MAOB: variants seen among roughly 807,000 people sequenced by gnomAD.
The protein encoded by MAOB is amine oxidase [flavin-containing] B.
MAOB carries 15 observed loss-of-function variants against 41.9 expected under a neutral mutation model. The observed-to-expected ratio is 0.36, with a 90% CI of 0.24 to 0.55. The LOEUF is 0.55. Among genes scored for constraint, MAOB ranks in the 20% least tolerant of loss-of-function variants. The pLI, the probability that MAOB is intolerant of heterozygous loss-of-function variation, is 0.86. For synonymous variants in MAOB, 167 were observed against 144.2 expected, an observed-to-expected ratio of 1.16 and a Z score of -1.13; for missense variants, 345 against 398.7, an observed-to-expected ratio of 0.87 and a Z score of 1.15.
At chrX:43,864,335 C>G (rs1249970075) in intron 1 of MAOB, among the ~76,000 whole-genome samples, 1 of 111,323 alleles carries the variant, frequency 9.0e-6, no homozygotes, top group Non-Finnish European at 1.9e-5. Flanking sequence ...TATGATATTA[C>G]TTACCAAATG....
chrX:43,825,363 T>C (rs971126817), intron 3 of MAOB, among the ~76,000 whole-genome samples: 2 of 110,896 alleles, frequency 1.8e-5, no homozygotes. Flanking sequence ...TGGAACACTC[T>C]TACCCAAAGA....
At chrX:43,778,062 G>A (rs749895987) in intron 11 of MAOB, among the ~76,000 whole-genome samples, 5 of 110,875 alleles carry the variant, frequency 4.5e-5, no homozygotes, top group East Asian at 5.7e-4. Flanking sequence ...GAAGATCACC[G>A]TTTTCTCAGG....
chrX:43,882,130 C>A, intron 1 of MAOB, 124 bp downstream of exon 1: 1 of 1,089,513 alleles, frequency 9.2e-7, no homozygotes, highest in Non-Finnish European at 1.2e-6. Context: ...GAGCCCTGCC[C>A]GTGCGTGGAC....
At chrX:43,841,999 A>T (rs1428762356) in intron 2 of MAOB, among the ~76,000 whole-genome samples, 2 of 112,194 alleles carry the variant, frequency 1.8e-5, no homozygotes, top group African/African-American at 6.5e-5. Context: ...AAGCTCCATG[A>T]CACTAGTCAG....
intron 3 of MAOB, among the ~76,000 whole-genome samples, chrX:43,835,106 A>C (rs906565280): frequency 2.1e-4 from 24 of 112,582 alleles, no homozygotes; most frequent in African/African-American, 7.7e-4. Context: ...TTCTTCAAAG[A>C]GCCCAAAAGA....
intron 7 of MAOB, among the ~76,000 whole-genome samples, chrX:43,794,754 G>T (rs2034506672): frequency 9.2e-6 from 1 of 108,144 alleles, no homozygotes; most frequent in Admixed American, 1.0e-4. Flanking sequence ...TTTCACTATT[G>T]GCAAAAAGAC....
In MAOB at chrX:43,817,606, G is replaced by A. The variant is rs1004329144; in HGVS notation, c.280-14202C>T. Among the ~76,000 whole-genome samples the A allele has an allele frequency of 3.6e-5, 4 of 111,400 alleles. No individual in the cohort carries two copies. The East Asian group carries it at 8.5e-4, about 24-fold the overall frequency. ...AAAATCCTTCTGATGACTTTTTATCGTGCTTACACAAACTCCAAAGTCCTT... is the reference window on the plus strand; with the variant it reads ...AAAATCCTTCTGATGACTTTTTATCATGCTTACACAAACTCCAAAGTCCTT... On this transcript the variant is annotated intron_variant, in intron 3 of 14. Transcript: ENST00000378069.
intron 3 of MAOB, 23 bp from the exon 4 acceptor site, chrX:43,803,427 A>G: frequency 1.7e-6 from 2 of 1,163,313 alleles, no homozygotes; most frequent in Non-Finnish European, 2.3e-6. Flanking sequence ...AGATATTTTT[A>G]AAAGGAAATA....
rs773025656 is a variant in MAOB at position 43,778,663 on chromosome X, G to T, written c.1137+19C>A. 1 of 1,194,067 alleles carries T rather than the reference G, an allele frequency of 8.4e-7. No individual in the cohort carries two copies. The highest frequency in any genetic ancestry group is 2.2e-5 in the Admixed American group (1 of 45,447). On this transcript the variant is annotated intron_variant, in intron 11 of 14. Coordinates refer to ENST00000378069, the MANE Select transcript of MAOB (RefSeq NM_000898.5). ...GAAAGGCCTCTCACCCTTAGTATAG[G>T]GTTGGGAAGCAGCCTTACCTCCAGA...
At chrX:43,835,919 C>T (rs1174950461) in intron 3 of MAOB, among the ~76,000 whole-genome samples, 1 of 111,775 alleles carries the variant, frequency 8.9e-6, no homozygotes, top group Admixed American at 9.5e-5. Context: ...AACTCTATTT[C>T]CCATTATCAG....
intron 1 of MAOB, among the ~76,000 whole-genome samples, chrX:43,869,740 T>C (rs951644760): frequency 4.5e-5 from 5 of 112,200 alleles, no homozygotes; most frequent in Admixed American, 3.8e-4. Flanking sequence ...GACATGCTGA[T>C]TCAAAATGTT....
At chrX:43,844,958 ATTC>A (rs2035184186) in intron 1 of MAOB, among the ~76,000 whole-genome samples, 1 of 111,662 alleles carries the variant, frequency 9.0e-6, no homozygotes, top group Non-Finnish European at 1.9e-5. Context: ...CAGTAAATGT[ATTC>A]TTCTATGTAT....
chrX:43,842,587 A>T (rs2035150008), intron 2 of MAOB, among the ~76,000 whole-genome samples: 1 of 112,243 alleles, frequency 8.9e-6, no homozygotes, highest in Non-Finnish European at 1.9e-5. Flanking sequence ...TATCCAAAAG[A>T]ATTGAAGTCA....
chrX:43,791,611 G>T (rs1450939307), intron 8 of MAOB, among the ~76,000 whole-genome samples: 1 of 111,075 alleles, frequency 9.0e-6, no homozygotes, highest in Non-Finnish European at 1.9e-5. Context: ...CAAAAAATTA[G>T]CCAGGCAAGG....
Position 43,881,512 on chromosome X carries a change from C to A in MAOB, c.46+742G>T, listed in dbSNP as rs949111992. Among the ~76,000 whole-genome samples, 56 of 112,137 alleles carry A rather than the reference C, an allele frequency of 5.0e-4. 1 individual carries two copies. Among genetic ancestry groups the A allele is most frequent in the Non-Finnish European group, 1.9e-5 (1 of 53,163 alleles). ...GTAAGTTCCACCACTACCCCCATCCCTTCTTCTGGCTTCTATTTTTCGGTG... is the reference window on the plus strand; with the variant it reads ...GTAAGTTCCACCACTACCCCCATCCATTCTTCTGGCTTCTATTTTTCGGTG... On this transcript the variant is annotated intron_variant, in intron 1 of 14. Coordinates refer to ENST00000378069, the MANE Select transcript of MAOB (RefSeq NM_000898.5).
intron 3 of MAOB, among the ~76,000 whole-genome samples, chrX:43,807,943 C>A (rs745674680): frequency 1.8e-5 from 2 of 111,572 alleles, no homozygotes; most frequent in Non-Finnish European, 3.8e-5. Flanking sequence ...TTATAACTAT[C>A]TATCCTACTT....
Position 43,838,888 on chromosome X carries a change from G to C in MAOB, c.259C>G (p.Arg87Gly), listed in dbSNP as rs776880004. The change falls in exon 3 of 15, where the codon CGT (arginine) becomes GGT (glycine). Residue 87 changes from arginine (R) to glycine (G), a missense_variant. By Grantham distance (125) the Arg-to-Gly change is moderately radical. Coordinates refer to ENST00000378069, the MANE Select transcript of MAOB (RefSeq NM_000898.5). ...LETYKVNEVERLIHHVKGKSY... is the reference protein window; with the variant it reads ...LETYKVNEVEGLIHHVKGKSY... ...CTTACCTTTACATGGTGGATCAGAC[G>C]CTCAACCTCATTCACTTTGTAGGTC... 8.3e-7 allele frequency: 1 copy of C among 1,202,469 alleles called. No homozygotes were observed. The highest frequency in any genetic ancestry group is 1.1e-6 in the Non-Finnish European group (1 of 891,172).
At chrX:43,873,166 G>A (rs898936387) in intron 1 of MAOB, among the ~76,000 whole-genome samples, 3 of 111,907 alleles carry the variant, frequency 2.7e-5, no homozygotes, top group Non-Finnish European at 5.6e-5. Context: ...TTTCTTTAAT[G>A]TAGAAAACTG....
At chrX:43,779,405 C>T (rs183865445) in intron 10 of MAOB, among the ~76,000 whole-genome samples, 1 of 111,639 alleles carries the variant, frequency 9.0e-6, no homozygotes, top group Non-Finnish European at 1.9e-5. Flanking sequence ...GACCATAAAA[C>T]GAGTGGAAGA....
Sources: gnomAD v4.1 joint callset for allele counts (sites outside exome capture counted in the v4.1 genomes callset) on GRCh38, gnomAD v4.1.1 for gene constraint, MANE v1.5 for transcripts, NCBI Gene and HGNC (gene_info 2026-07-23, HGNC 2026-07-21) for gene names.